Variants in TMTC2 observed in about 807,000 individuals in gnomAD.
The protein encoded by TMTC2 is protein O-mannosyl-transferase TMTC2.
Under a neutral mutation model 82.4 loss-of-function variants are expected in TMTC2, and 43 were observed. The observed-to-expected ratio is 0.52, with a 90% CI of 0.41 to 0.67. The LOEUF is 0.67. Ranked by LOEUF, TMTC2 falls within the 30% of genes least tolerant of loss-of-function variation. The pLI, the probability that TMTC2 is intolerant of heterozygous loss-of-function variation, is 0.00. For synonymous variants in TMTC2, 408 were observed against 381.9 expected (o/e 1.07, Z -0.80); for missense variants, 919 against 1,012.4 (o/e 0.91, Z 1.25).
chr12:82,955,022 GAC>G (rs1877541528), intron 4 of TMTC2, among the ~76,000 whole-genome samples: 1 of 152,186 alleles, frequency 6.6e-6, no homozygotes, highest in African/African-American at 2.4e-5. Flanking sequence ...GATTAGAAGA[GAC>G]ACAGGGCTTT....
chr12:82,896,100 A>G lies in TMTC2; in HGVS notation c.937A>G (p.Thr313Ala), dbSNP rs771782311. Residue 313 changes from threonine to alanine, a missense_variant, in exon 3 of 12, where the codon ACT (threonine) becomes GCT (alanine). By Grantham distance (58) the Thr-to-Ala change is moderately conservative (BLOSUM62 0). Transcript: ENST00000321196. ...KTVCDWRNLHTVAFYTGLLLL... is the reference protein window; with the variant it reads ...KTVCDWRNLHAVAFYTGLLLL... ...AGTTTGTGACTGGAGAAACCTACAC[A>G]CTGTGGCCTTCTATACTGGACTCCT... The G allele has an allele frequency of 6.2e-7, 1 of 1,614,074 alleles. No homozygotes were observed. Among genetic ancestry groups the G allele is most frequent in the Non-Finnish European group, 8.5e-7 (1 of 1,180,014 alleles).
chr12:82,843,134 T>TTGA (rs1555190005), intron 1 of TMTC2, among the ~76,000 whole-genome samples: 13 of 151,818 alleles, frequency 8.6e-5, no homozygotes, highest in African/African-American at 2.9e-4. Flanking sequence ...TCTTTTTTTT[T>TTGA]GTCTCGCAGT....
intron 1 of TMTC2, among the ~76,000 whole-genome samples, chr12:82,777,663 T>C (rs377156160): frequency 6.6e-6 from 1 of 152,272 alleles, no homozygotes; most frequent in South Asian, 2.1e-4. Flanking sequence ...TTCTTTAAAT[T>C]TGAGGTTGCC....
In TMTC2 at chr12:82,941,195, A is replaced by G. The variant is rs117636517; in HGVS notation, c.1598+10650A>G. On this transcript the variant is annotated intron_variant, in intron 4 of 11. Transcript: ENST00000321196. ...ATCTATCTTTCTTATATTTTTTTTA[A>G]AAGATGGGATCTCACTGTGTTGCCA... Among the ~76,000 whole-genome samples, 264 of 152,168 alleles carry G rather than the reference A, an allele frequency of 1.7e-3. 1 individual carries two copies. The highest frequency in any genetic ancestry group is 6.6e-3 in the South Asian group (32 of 4,818).
intron 8 of TMTC2, among the ~76,000 whole-genome samples, chr12:83,007,231 C>G (rs1474285521): frequency 6.6e-6 from 1 of 151,694 alleles, no homozygotes; most frequent in Admixed American, 6.6e-5. Context: ...CTTCTGCTGA[C>G]TTTGGACTTA....
intron 11 of TMTC2, among the ~76,000 whole-genome samples, chr12:83,078,492 G>GA (rs1369504283): frequency 5.3e-5 from 8 of 152,112 alleles, no homozygotes; most frequent in African/African-American, 1.7e-4. Flanking sequence ...CATCAAGAGG[G>GA]AAAAAATATG....
At chr12:82,795,827 A>C (rs868812052) in intron 1 of TMTC2, among the ~76,000 whole-genome samples, 2 of 152,286 alleles carry the variant, frequency 1.3e-5, no homozygotes, top group African/African-American at 4.8e-5. Context: ...CCTAGCTTGC[A>C]GAAGTGTGAG....
intron 1 of TMTC2, among the ~76,000 whole-genome samples, chr12:82,786,444 T>G (rs1878178783): frequency 6.6e-6 from 1 of 152,124 alleles, no homozygotes; most frequent in Non-Finnish European, 1.5e-5. Context: ...TTGTAGTCAT[T>G]TTATTCACGT....
chr12:82,927,908 T>C (rs1941296916), intron 3 of TMTC2, among the ~76,000 whole-genome samples: 1 of 152,196 alleles, frequency 6.6e-6, no homozygotes, highest in Admixed American at 6.5e-5. Flanking sequence ...ATTGTGTAAA[T>C]ATAACTTTTA....
chr12:82,985,815 A>G, intron 7 of TMTC2, 110 bp from the exon 8 acceptor site: 1 of 1,362,366 alleles, frequency 7.3e-7, no homozygotes. Flanking sequence ...AGTACTTCCC[A>G]CAGCATCTGA....
At chr12:82,869,574 T>A (rs575601116) in intron 2 of TMTC2, among the ~76,000 whole-genome samples, 1 of 152,168 alleles carries the variant, frequency 6.6e-6, no homozygotes, top group African/African-American at 2.4e-5. Flanking sequence ...GCATGGTGAC[T>A]CACACTTGTA....
At chr12:83,078,075 C>CTGAA (rs1482370612) in intron 11 of TMTC2, among the ~76,000 whole-genome samples, 7 of 151,890 alleles carry the variant, frequency 4.6e-5, no homozygotes, top group African/African-American at 1.7e-4. Flanking sequence ...AGGGCTCTCA[C>CTGAA]TGAAGGTAGG....
intron 3 of TMTC2, among the ~76,000 whole-genome samples, chr12:82,925,993 T>G (rs2707999): frequency 0.12 from 1,528 of 12,946 alleles, 21 homozygotes; most frequent in African/African-American, 0.2. Context: ...TTTTTTTTTG[T>G]TTTTTTTTTG....
At chr12:82,832,345 T>G (rs575167820) in intron 1 of TMTC2, among the ~76,000 whole-genome samples, 22 of 134,028 alleles carry the variant, frequency 1.6e-4, no homozygotes, top group Non-Finnish European at 2.9e-4. Context: ...ATGTACAAGT[T>G]TTTTTTTTTT....
chr12:83,083,229 C>T (rs1477671026), intron 11 of TMTC2, among the ~76,000 whole-genome samples: 2 of 152,166 alleles, frequency 1.3e-5, no homozygotes, highest in Non-Finnish European at 2.9e-5. Flanking sequence ...AAGTCAGTTC[C>T]GCCTGCCAAG....
rs554679121 is a variant in TMTC2 at position 82,955,332 on chromosome 12, T to G, written c.1599-9692T>G. Among the ~76,000 whole-genome samples the G allele has an allele frequency of 1.2e-4, 18 of 152,354 alleles. No individual in the cohort carries two copies. In the South Asian group the frequency reaches 2.5e-3, roughly 21 times the overall value. On this transcript the variant is annotated intron_variant, in intron 4 of 11. Coordinates refer to ENST00000321196, the MANE Select transcript of TMTC2 (RefSeq NM_152588.3). The stretch of plus-strand genomic sequence containing the variant: ...AATGTTCCTCTTCTTTCTCTGTCAA[T>G]GTTTAGGATCACCTAGGGACCCATA...
intron 4 of TMTC2, among the ~76,000 whole-genome samples, chr12:82,942,544 G>A (rs1224464512): frequency 2.0e-5 from 3 of 152,082 alleles, no homozygotes; most frequent in Admixed American, 2.0e-4. Context: ...AAAGTAAAAA[G>A]TAATTATTTG....
intron 1 of TMTC2, among the ~76,000 whole-genome samples, chr12:82,772,339 A>T (rs896567502): frequency 6.6e-6 from 1 of 152,252 alleles, no homozygotes; most frequent in Admixed American, 6.5e-5. Flanking sequence ...GGACTGCTTT[A>T]TAGAGGAGAC....
At chr12:83,087,114 C>A (rs573836392) in intron 11 of TMTC2, among the ~76,000 whole-genome samples, 7 of 152,266 alleles carry the variant, frequency 4.6e-5, no homozygotes, top group African/African-American at 1.7e-4. Context: ...ATTCTAAGTC[C>A]TTTGTTATCA....
Sources: allele counts gnomAD v4.1 joint callset (sites outside exome capture counted in the v4.1 genomes callset), GRCh38; gene constraint gnomAD v4.1.1; transcripts MANE v1.5; gene names NCBI Gene and HGNC (gene_info 2026-07-23, HGNC 2026-07-21).